Variants in KIAA1217 observed in about 807,000 individuals in gnomAD.
KIAA1217 encodes the protein sickle tail protein homolog.
In KIAA1217, 88 loss-of-function variants were observed where a neutral mutation model predicts 163.9. The observed-to-expected ratio is 0.54, with a 90% confidence interval of 0.45 to 0.64. The LOEUF (loss-of-function observed/expected upper bound fraction) is 0.64. Among genes scored for constraint, KIAA1217 ranks in the 30% least tolerant of loss-of-function variants. KIAA1217 has a pLI of 0.00. For synonymous variants in KIAA1217, 903 were observed against 923.1 expected (o/e 0.98, Z 0.39); for missense variants, 2,372 against 2,475.0 (o/e 0.96, Z 0.88).
chr10:23,768,318 A>C (rs1306595582), intron 1 of KIAA1217, among the ~76,000 whole-genome samples: 1 of 152,206 alleles, frequency 6.6e-6, no homozygotes, highest in African/African-American at 2.4e-5. Context: ...GAAACTCTCA[A>C]ACAACTGGGA....
chr10:23,760,432 T>A (rs191972093), intron 1 of KIAA1217, among the ~76,000 whole-genome samples: 24 of 152,318 alleles, frequency 1.6e-4, no homozygotes, highest in Admixed American at 1.5e-3. Flanking sequence ...AGCCTAAGGC[T>A]GCATCAGTGT....
At chr10:24,194,269 C>T (rs1644550152) in intron 2 of KIAA1217, among the ~76,000 whole-genome samples, 2 of 148,832 alleles carry the variant, frequency 1.3e-5, no homozygotes, top group South Asian at 4.3e-4. Flanking sequence ...CAATCTTGGC[C>T]TTCATTTCCC....
chr10:24,374,512 T>C (rs962050821), intron 2 of KIAA1217, among the ~76,000 whole-genome samples: 1 of 152,170 alleles, frequency 6.6e-6, no homozygotes, highest in African/African-American at 2.4e-5. Flanking sequence ...TTTCTCTGAG[T>C]CTTTAATGCC....
chr10:24,547,467 A>G lies in KIAA1217; in HGVS notation c.*1143A>G, dbSNP rs2075765370. 1 of 152,614 alleles carries G rather than the reference A, an allele frequency of 6.6e-6. No homozygotes were observed. The highest frequency in any genetic ancestry group is 1.5e-5 in the Non-Finnish European group (1 of 68,050). 9.5% of individuals were successfully genotyped at this position (152,614 alleles called of 1,614,324 possible). A position where few individuals can be genotyped will look rare whatever the true frequency, so the allele number is the denominator to read the frequency against. On this transcript the variant is annotated 3_prime_UTR_variant, in exon 21 of 21. Transcript: ENST00000376454. ...ATAAGCAGAGACTTTGCAAAACTAA[A>G]TAAAGGGCTGCATGCTTATTATTTT...
chr10:24,520,621 C>G (rs1297187507), intron 11 of KIAA1217, among the ~76,000 whole-genome samples: 1 of 82,274 alleles, frequency 1.2e-5, no homozygotes, highest in Non-Finnish European at 2.2e-5. Flanking sequence ...AGACTCACAT[C>G]TCTACCAAAA....
chr10:23,919,850 A>G (rs1842787174), intron 1 of KIAA1217, among the ~76,000 whole-genome samples: 1 of 152,076 alleles, frequency 6.6e-6, no homozygotes, highest in African/African-American at 2.4e-5. Flanking sequence ...ATTCTGCCCC[A>G]TGACACCTTT....
chr10:23,903,798 AT>A (rs990220989), intron 1 of KIAA1217, among the ~76,000 whole-genome samples: 40 of 152,148 alleles, frequency 2.6e-4, no homozygotes, highest in African/African-American at 9.6e-4. Context: ...TTGGGGTAGT[AT>A]TTCCTACACC....
At chr10:23,814,294 G>C (rs529644237) in intron 1 of KIAA1217, among the ~76,000 whole-genome samples, 1 of 152,252 alleles carries the variant, frequency 6.6e-6, no homozygotes, top group Admixed American at 6.5e-5. Flanking sequence ...TCGAGGGCAG[G>C]GACTCCAGCT....
At chr10:24,115,207 G>C (rs1327005194) in intron 2 of KIAA1217, among the ~76,000 whole-genome samples, 1 of 152,234 alleles carries the variant, frequency 6.6e-6, no homozygotes, top group Non-Finnish European at 1.5e-5. Flanking sequence ...ACTCAGCACA[G>C]CACCTGCGTA....
chr10:23,994,439 T>C (rs1350835252), intron 1 of KIAA1217, among the ~76,000 whole-genome samples: 1 of 152,206 alleles, frequency 6.6e-6, no homozygotes, highest in East Asian at 1.9e-4. Flanking sequence ...ATCGTTGGGT[T>C]CTCCGGATGG....
At chr10:23,950,137 G>A (rs770224575) in intron 1 of KIAA1217, among the ~76,000 whole-genome samples, 3 of 152,098 alleles carry the variant, frequency 2.0e-5, no homozygotes, top group Non-Finnish European at 2.9e-5. Flanking sequence ...CTACACCACC[G>A]TGTTGACCCA....
At chr10:24,040,588 A>AT (rs1156511032) in intron 2 of KIAA1217, among the ~76,000 whole-genome samples, 2 of 152,184 alleles carry the variant, frequency 1.3e-5, no homozygotes, top group African/African-American at 4.8e-5. Context: ...AATGGAGTGG[A>AT]TTTTATGATA....
At chr10:24,347,814 A>G (rs1398169107) in intron 2 of KIAA1217, among the ~76,000 whole-genome samples, 7 of 152,202 alleles carry the variant, frequency 4.6e-5, no homozygotes, top group Non-Finnish European at 8.8e-5. Context: ...TAAAAAATGC[A>G]TATATTTAAG....
intron 17 of KIAA1217, among the ~76,000 whole-genome samples, chr10:24,539,496 G>T (rs186222763): frequency 1.3e-5 from 2 of 152,302 alleles, no homozygotes; most frequent in Admixed American, 1.3e-4. Context: ...CTCCCAAAGT[G>T]CTGGGATTAC....
intron 3 of KIAA1217, among the ~76,000 whole-genome samples, chr10:24,416,211 A>G: frequency 6.6e-6 from 1 of 152,218 alleles, no homozygotes; most frequent in East Asian, 1.9e-4. Context: ...AATGGTAACA[A>G]AAGTTGTTCC....
At position 23,766,007 on chromosome 10, in the gene KIAA1217, G is replaced by GC. The variant is rs201815507; in HGVS notation, c.-321+70774dup. ...AAATTTTTTGAATTATCACAGTAAG[G>GC]CAGAACTTGAAGGTGATTTGCAGGC... On this transcript the variant is annotated intron_variant, in intron 1 of 18. Coordinates refer to the KIAA1217 transcript ENST00000376462. Among the ~76,000 whole-genome samples the GC allele has an allele frequency of 7.0e-3, 1,071 of 152,298 alleles. 19 individuals carry two copies. Among genetic ancestry groups the GC allele is most frequent in the African/African-American group, 0.025 (1,028 of 41,564 alleles).
chr10:24,234,503 A>C (rs1442829050), intron 2 of KIAA1217, among the ~76,000 whole-genome samples: 2 of 151,970 alleles, frequency 1.3e-5, no homozygotes, highest in Non-Finnish European at 2.9e-5. Flanking sequence ...GTCTCTACTA[A>C]AAATGCAAAA....
At chr10:24,459,202 A>G (rs2062106130) in intron 5 of KIAA1217, among the ~76,000 whole-genome samples, 1 of 152,150 alleles carries the variant, frequency 6.6e-6, no homozygotes, top group Non-Finnish European at 1.5e-5. Context: ...CTTGTCCTTG[A>G]CCATGCCTTA....
chr10:23,941,275 A>G (rs1056336883), intron 1 of KIAA1217, among the ~76,000 whole-genome samples: 1 of 152,186 alleles, frequency 6.6e-6, no homozygotes, highest in Non-Finnish European at 1.5e-5. Flanking sequence ...TTTATTACAA[A>G]CAAATATGGA....
Sources: allele counts gnomAD v4.1 joint callset (sites outside exome capture counted in the v4.1 genomes callset), GRCh38; gene constraint gnomAD v4.1.1; transcripts MANE v1.5; gene names NCBI Gene and HGNC (gene_info 2026-07-23, HGNC 2026-07-21).